The following VPS13B variants were observed in gnomAD, a reference collection of about 807,000 sequenced individuals.
VPS13B encodes intermembrane lipid transfer protein VPS13B.
A neutral mutation model predicts 426.4 loss-of-function variants in VPS13B; 285 were observed. The observed-to-expected ratio is 0.67, with a 90% CI of 0.61 to 0.74. The LOEUF is 0.74. VPS13B is among the 30% of genes least tolerant of loss of function. VPS13B has a pLI of 0.00. For synonymous variants in VPS13B, 1,676 were observed against 1,676.4 expected (o/e 1.00, Z 0.01); for missense variants, 4,537 against 4,782.6 (o/e 0.95, Z 1.51).
chr8:99,605,009 A>G (rs1827506614), intron 33 of VPS13B, among the ~76,000 whole-genome samples: 2 of 152,252 alleles, frequency 1.3e-5, no homozygotes, highest in Admixed American at 1.3e-4. Context: ...TTAATAGTAC[A>G]GATTGCAACT....
intron 14 of VPS13B, among the ~76,000 whole-genome samples, chr8:99,151,054 A>G (rs1319982154): frequency 1.3e-5 from 2 of 152,230 alleles, no homozygotes; most frequent in African/African-American, 2.4e-5. Flanking sequence ...TGATGTTGTC[A>G]GTGCTTCGGT....
intron 39 of VPS13B, among the ~76,000 whole-genome samples, chr8:99,744,945 A>G (rs1375881606): frequency 6.6e-6 from 1 of 152,096 alleles, no homozygotes; most frequent in African/African-American, 2.4e-5. Context: ...CAATGTGCAC[A>G]TGTACCCTAA....
chr8:99,231,635 T>G (rs1437837066), intron 17 of VPS13B, among the ~76,000 whole-genome samples: 7 of 152,204 alleles, frequency 4.6e-5, no homozygotes, highest in Non-Finnish European at 8.8e-5. Context: ...ATATCTTATT[T>G]TTTTTCCAAC....
rs775639348 is a variant in VPS13B, at chr8:99,717,314, C to T, written c.6598C>T (p.Pro2200Ser). 1 of 1,613,920 alleles carries T rather than the reference C, an allele frequency of 6.2e-7. No individual in the cohort carries two copies. Among genetic ancestry groups the T allele is most frequent in the Non-Finnish European group, 8.5e-7 (1 of 1,179,972 alleles). Residue 2200 changes from proline to serine, a missense_variant, in exon 37 of 62, where the codon CCA (proline) becomes TCA (serine). Transcript: ENST00000357162. ...TAAGTGGTGTAAACACAGCGGGAAT[C>T]CAGGCCCAGAACAATCCATACCAAA... The part of the protein sequence containing the change: ...EAKWCKHSGN[P>S]GPEQSIPKIS...
At chr8:99,695,450 A>G (rs1281904394) in intron 35 of VPS13B, among the ~76,000 whole-genome samples, 111 of 149,394 alleles carry the variant, frequency 7.4e-4, no homozygotes, top group African/African-American at 2.6e-3. Flanking sequence ...TCGCAAGAAC[A>G]AAAAACCAAA....
chr8:99,082,406 G>T (rs973686486), intron 3 of VPS13B, among the ~76,000 whole-genome samples: 1 of 152,132 alleles, frequency 6.6e-6, no homozygotes, highest in African/African-American at 2.4e-5. Flanking sequence ...CTCCCATTCT[G>T]TAGGATGCCT....
intron 33 of VPS13B, among the ~76,000 whole-genome samples, chr8:99,607,040 C>T (rs1827626363): frequency 6.6e-6 from 1 of 152,180 alleles, no homozygotes; most frequent in African/African-American, 2.4e-5. Flanking sequence ...TAACCTTAAT[C>T]ACTCTGCAGA....
At chr8:99,087,179 G>A (rs1024401535) in intron 3 of VPS13B, among the ~76,000 whole-genome samples, 4 of 152,076 alleles carry the variant, frequency 2.6e-5, no homozygotes, top group Admixed American at 6.6e-5. Context: ...CCCCAGCCTC[G>A]CTGCCCCCTT....
At chr8:99,775,424 C>T (rs569055016) in intron 40 of VPS13B, among the ~76,000 whole-genome samples, 29 of 152,216 alleles carry the variant, frequency 1.9e-4, no homozygotes, top group East Asian at 5.8e-4. Flanking sequence ...AACATTGATT[C>T]GGTGATCCAC....
intron 19 of VPS13B, among the ~76,000 whole-genome samples, chr8:99,308,039 T>A (rs1820733441): frequency 6.6e-6 from 1 of 152,122 alleles, no homozygotes; most frequent in Non-Finnish European, 1.5e-5. Flanking sequence ...TTTTGTTTAA[T>A]TTCTGTATAC....
chr8:99,189,812 C>G (rs1460932860), intron 16 of VPS13B, among the ~76,000 whole-genome samples: 4 of 152,022 alleles, frequency 2.6e-5, no homozygotes, highest in Non-Finnish European at 5.9e-5. Flanking sequence ...TAGTTTAAAT[C>G]CATTGTGATC....
chr8:99,434,953 T>TATATG (rs1817295642), intron 22 of VPS13B, among the ~76,000 whole-genome samples: 1 of 152,162 alleles, frequency 6.6e-6, no homozygotes, highest in South Asian at 2.1e-4. Flanking sequence ...TATGTTGGGC[T>TATATG]ATATGCTGAG....
At chr8:99,019,603 A>G (rs985201345) in intron 2 of VPS13B, among the ~76,000 whole-genome samples, 1 of 152,128 alleles carries the variant, frequency 6.6e-6, no homozygotes, top group African/African-American at 2.4e-5. Flanking sequence ...CGTCTTCCCA[A>G]ACTGAAATTC....
At chr8:99,842,928 A>C (rs4076509) in intron 54 of VPS13B, among the ~76,000 whole-genome samples, 19,627 of 152,016 alleles carry the variant, frequency 0.13, 1,311 homozygotes, top group Non-Finnish European at 0.14. Flanking sequence ...TAAGACAGGC[A>C]GATTGCTTGA....
At chr8:99,572,657 A>G (rs1011058415) in intron 31 of VPS13B, among the ~76,000 whole-genome samples, 26 of 152,234 alleles carry the variant, frequency 1.7e-4, no homozygotes, top group South Asian at 6.2e-4. Context: ...GCTGCATAGT[A>G]TTCCATGGTG....
chr8:99,272,996 C>T (rs1394109210), intron 17 of VPS13B, among the ~76,000 whole-genome samples: 4 of 152,174 alleles, frequency 2.6e-5, no homozygotes, highest in African/African-American at 9.6e-5. Context: ...GGATGCTCTA[C>T]TGTTAAGTAT....
intron 17 of VPS13B, among the ~76,000 whole-genome samples, chr8:99,248,922 G>C (rs975080911): frequency 6.6e-6 from 1 of 151,996 alleles, no homozygotes; most frequent in South Asian, 2.1e-4. Flanking sequence ...CTATTTTAGA[G>C]TGTATGATTC....
rs140679005 is a variant in VPS13B at position 99,683,042 on chromosome 8, T to A, written c.6047-16483T>A. Among the ~76,000 whole-genome samples the A allele has an allele frequency of 2.4e-3, 365 of 152,322 alleles. 3 individuals are homozygous for A. The highest frequency in any genetic ancestry group is 8.4e-3 in the African/African-American group (350 of 41,570). Reference sequence around the variant, plus strand: ...AATCCAGGATTCATTTTGAGTTAATTTTTATATACAGTATGAAGTTGAGTT... The same window carrying A: ...AATCCAGGATTCATTTTGAGTTAATATTTATATACAGTATGAAGTTGAGTT... On this transcript the variant is annotated intron_variant, in intron 35 of 61. Transcript: ENST00000357162.
intron 58 of VPS13B, 53 bp from the exon 59 acceptor site, chr8:99,868,236 A>T (rs900180284): frequency 3.3e-5 from 53 of 1,611,758 alleles, no homozygotes; most frequent in Non-Finnish European, 4.5e-5. Context: ...GGAGCCTTTC[A>T]TTTTCCGAGG....
Sources: allele counts gnomAD v4.1 joint callset (sites outside exome capture counted in the v4.1 genomes callset), GRCh38; gene constraint gnomAD v4.1.1; transcripts MANE v1.5; gene names NCBI Gene and HGNC (gene_info 2026-07-23, HGNC 2026-07-21).